CEP192: variants seen among roughly 807,000 people sequenced by gnomAD.
CEP192 encodes the protein centrosomal protein 192, also known as centrosomal protein of 192 kDa.
CEP192 carries 151 observed loss-of-function variants against 271.8 expected under a neutral mutation model. The ratio of observed to expected loss-of-function variants is 0.56; its 90% confidence interval spans 0.49 to 0.64. The LOEUF (loss-of-function observed/expected upper bound fraction) is 0.64, where lower values mean the gene tolerates loss of function less well. CEP192 is among the 30% of genes least tolerant of loss of function. CEP192 has a pLI of 0.00. For missense variants in CEP192, 2,910 were observed against 3,020.5 expected (o/e 0.96, Z 0.86); for synonymous variants, 995 against 1,076.5 (o/e 0.92, Z 1.48).
rs1168883540 is a variant in CEP192 at position 13,097,649 on chromosome 18, A to AT, written c.6557+1356dup. Among the ~76,000 whole-genome samples the AT allele has an allele frequency of 2.3e-3, 246 of 107,854 alleles. 1 individual carries two copies. Among genetic ancestry groups the AT allele is most frequent in the Middle Eastern group, 0.022 (5 of 226 alleles). 70.8% of individuals were successfully genotyped at this position (107,854 alleles called of 152,430 possible). ...TTTCTTTTTTTTTTTTTTAACTATT[A>AT]TTTTTTTTTTTTTTATTGATCATTC... On this transcript the variant is annotated intron_variant, in intron 36 of 44. Transcript: ENST00000506447.
chr18:13,050,140 T>C (rs918479212), intron 17 of CEP192, among the ~76,000 whole-genome samples: 2 of 152,208 alleles, frequency 1.3e-5, no homozygotes, highest in Non-Finnish European at 2.9e-5. Flanking sequence ...ATAATGGATC[T>C]GTCATGGTTC....
At chr18:13,103,285 A>G (rs781205161) in intron 38 of CEP192, among the ~76,000 whole-genome samples, 29 of 152,210 alleles carry the variant, frequency 1.9e-4, no homozygotes, top group Non-Finnish European at 3.1e-4. Context: ...GCTCCTCTGC[A>G]TAAGCCCTTC....
At chr18:13,000,877 C>T (rs1018519976) in intron 2 of CEP192, among the ~76,000 whole-genome samples, 9 of 152,176 alleles carry the variant, frequency 5.9e-5, no homozygotes, top group Admixed American at 4.6e-4. Context: ...CGCTTGAACC[C>T]GGAAGGCAGA....
chr18:13,053,108 T>A lies in CEP192; in HGVS notation c.3189+18T>A, dbSNP rs2036891171. On this transcript the variant is annotated intron_variant, in intron 18 of 44. Coordinates refer to ENST00000506447, the MANE Select transcript of CEP192 (RefSeq NM_032142.4). Reference sequence around the variant, plus strand: ...ACCGCAAGGTGGGCAGCCACTTGGATTATTTATTACTAAGGCTTTCAACTC... The same window carrying A: ...ACCGCAAGGTGGGCAGCCACTTGGAATATTTATTACTAAGGCTTTCAACTC... 6.3e-7 allele frequency: 1 copy of A among 1,589,302 alleles called. No individual in the cohort carries two copies. Among genetic ancestry groups the A allele is most frequent in the African/African-American group, 1.3e-5 (1 of 74,096 alleles).
intron 15 of CEP192, among the ~76,000 whole-genome samples, chr18:13,046,934 G>C (rs1353947915): frequency 7.0e-6 from 1 of 143,488 alleles, no homozygotes; most frequent in Admixed American, 7.3e-5. Flanking sequence ...ATTTTTGCTT[G>C]CTATAGAATT....
chr18:13,104,137 T>G (rs1231944032), intron 39 of CEP192, among the ~76,000 whole-genome samples: 1 of 152,266 alleles, frequency 6.6e-6, no homozygotes. Context: ...TAATGCTGTC[T>G]CCTAGCCCTG....
chr18:13,068,981 G>A lies in CEP192; in HGVS notation c.4952G>A (p.Arg1651Lys), dbSNP rs754006089. 1 of 1,614,152 alleles carries A rather than the reference G, an allele frequency of 6.2e-7. No individual in the cohort carries two copies. Among genetic ancestry groups the A allele is most frequent in the Non-Finnish European group, 8.5e-7 (1 of 1,180,026 alleles). The change falls in exon 25 of 45, where the codon AGG (arginine) becomes AAG (lysine). Residue 1651 changes from arginine to lysine, a missense_variant. Coordinates refer to ENST00000506447, the MANE Select transcript of CEP192 (RefSeq NM_032142.4). ...RAGIARIHAP[R>K]DLQTMHFLAK... is the part of the protein sequence containing the mutation. The stretch of plus-strand genomic sequence containing the variant: ...GGAATAGCTAGGATCCATGCTCCCA[G>A]GGACTTGCAGGTAGCCTCAGTCCTC...
intron 36 of CEP192, 144 bp downstream of exon 36, chr18:13,096,451 C>A: frequency 9.4e-7 from 1 of 1,063,386 alleles, no homozygotes; most frequent in Non-Finnish European, 1.3e-6. Flanking sequence ...CATGGTTCTG[C>A]AGGTCAGCTG....
At chr18:13,114,034 A>T (rs969131703) in intron 41 of CEP192, 96 bp from the exon 42 acceptor site, 8 of 1,422,656 alleles carry the variant, frequency 5.6e-6, no homozygotes, top group Non-Finnish European at 6.6e-6. Context: ...CCTTTTAAAA[A>T]TTTTTAAAGG....
intron 1 of CEP192, among the ~76,000 whole-genome samples, chr18:12,994,311 C>T (rs1441970165): frequency 6.6e-6 from 1 of 151,652 alleles, no homozygotes; most frequent in Admixed American, 6.6e-5. Flanking sequence ...TTGAGGTGAA[C>T]GTCAGGAAGG....
intron 11 of CEP192, 137 bp downstream of exon 11, chr18:13,030,745 T>C (rs2035573729): frequency 6.1e-6 from 4 of 658,260 alleles, no homozygotes; most frequent in Non-Finnish European, 1.0e-5. Context: ...CACTTGTTTT[T>C]ATAGGACCCA....
At chr18:13,014,436 A>G (rs1017215201) in intron 5 of CEP192, among the ~76,000 whole-genome samples, 1 of 152,170 alleles carries the variant, frequency 6.6e-6, no homozygotes, top group African/African-American at 2.4e-5. Flanking sequence ...GACATTTTCC[A>G]GGGACCAAGC....
chr18:13,092,144 A>G (rs2039175449), intron 33 of CEP192, among the ~76,000 whole-genome samples: 1 of 152,216 alleles, frequency 6.6e-6, no homozygotes, highest in African/African-American at 2.4e-5. Context: ...CAAAAGTCAC[A>G]AAGTAAATGA....
At chr18:13,029,367 T>C (rs887422153) in intron 9 of CEP192, among the ~76,000 whole-genome samples, 4 of 152,344 alleles carry the variant, frequency 2.6e-5, no homozygotes, top group East Asian at 3.9e-4. Flanking sequence ...AAAGTTGGGC[T>C]GACAACATTT....
intron 11 of CEP192, among the ~76,000 whole-genome samples, chr18:13,036,821 G>A (rs1307076761): frequency 6.6e-6 from 1 of 152,226 alleles, no homozygotes; most frequent in South Asian, 2.1e-4. Flanking sequence ...GGGATGGGGG[G>A]CAAGCGGTCC....
chr18:13,053,235 A>C (rs931229970), intron 18 of CEP192, 145 bp downstream of exon 18: 2 of 678,154 alleles, frequency 2.9e-6, no homozygotes, highest in African/African-American at 3.6e-5. Context: ...TTGTGTGCAC[A>C]TATTAAATAC....
At chr18:13,098,874 C>T (rs1235708451) in intron 36 of CEP192, among the ~76,000 whole-genome samples, 2 of 152,200 alleles carry the variant, frequency 1.3e-5, no homozygotes, top group Non-Finnish European at 1.5e-5. Flanking sequence ...CGCCACTGCA[C>T]TCCAGCCTGG....
intron 20 of CEP192, 85 bp from the exon 21 acceptor site, chr18:13,058,997 G>T: frequency 2.3e-6 from 2 of 859,584 alleles, no homozygotes; most frequent in South Asian, 1.5e-5. Flanking sequence ...TTGAGTGATT[G>T]GGAAAAGGAA....
At chr18:13,103,776 A>T (rs2039826474) in intron 39 of CEP192, 188 bp downstream of exon 39, 8 of 638,702 alleles carry the variant, frequency 1.3e-5, no homozygotes, top group Non-Finnish European at 1.7e-5. Context: ...CTGCAGCCTC[A>T]ACCTCCCAGG....
Sources: gnomAD v4.1 joint callset for allele counts (sites outside exome capture counted in the v4.1 genomes callset) on GRCh38, gnomAD v4.1.1 for gene constraint, MANE v1.5 for transcripts, NCBI Gene and HGNC (gene_info 2026-07-23, HGNC 2026-07-21) for gene names.